The following SMARCE1 variants were observed in gnomAD, a reference collection of about 807,000 sequenced individuals.
SMARCE1 encodes the protein SWI/SNF-related matrix-associated actin-dependent regulator of chromatin subfamily E member 1.
Under a neutral mutation model 54.9 loss-of-function variants are expected in SMARCE1, and 13 were observed. The observed-to-expected ratio is 0.24, with a 90% CI of 0.15 to 0.38. SMARCE1 has a LOEUF of 0.38. Ranked by LOEUF, SMARCE1 falls within the 10% of genes least tolerant of loss-of-function variation. The probability of loss-of-function intolerance (pLI) is 1.00; values close to 1 mark genes in which losing one functional copy is unlikely to be tolerated. For missense variants in SMARCE1, 295 were observed against 523.8 expected, an observed-to-expected ratio of 0.56 and a Z score of 4.26; for synonymous variants, 151 against 175.3, an observed-to-expected ratio of 0.86 and a Z score of 1.10.
At chr17:40,641,389 C>G (rs2037198860) in intron 4 of SMARCE1, 1 of 152,120 alleles carries the variant, frequency 6.6e-6, no homozygotes, top group African/African-American at 2.4e-5. Flanking sequence ...TATGCAGAAA[C>G]AATGAAAAAT....
At chr17:40,640,761 G>A (rs1412435369) in intron 4 of SMARCE1, 1 of 152,068 alleles carries the variant, frequency 6.6e-6, no homozygotes, top group East Asian at 1.9e-4. Context: ...TGTCCACAAA[G>A]GACCAAAACA....
rs2143973779 is a variant in SMARCE1, at chr17:40,625,054, C to T, written c.*3731G>A. Reference sequence around the variant, plus strand: ...GGTCATTCTGGCAAATAGAAAGTTCCATCATTTCACACTTAGAAAGCTGCC... The same window carrying T: ...GGTCATTCTGGCAAATAGAAAGTTCTATCATTTCACACTTAGAAAGCTGCC... On this transcript the variant is annotated 3_prime_UTR_variant, in exon 11 of 11. Coordinates refer to ENST00000348513, the MANE Select transcript of SMARCE1 (RefSeq NM_003079.5). 1 of 152,196 alleles carries T rather than the reference C, an allele frequency of 6.6e-6. No homozygotes were observed. Among genetic ancestry groups the T allele is most frequent in the South Asian group, 2.1e-4 (1 of 4,812 alleles). The allele number at this position is 152,196 out of a possible 1,614,324, so 9.4% of individuals were successfully genotyped here.
chr17:40,647,559 G>A (rs189933027), intron 1 of SMARCE1: 29 of 152,822 alleles, frequency 1.9e-4, no homozygotes, highest in African/African-American at 6.5e-4. Context: ...ACCAATTTCG[G>A]GGGACTGGCC....
chr17:40,647,802 G>A lies in SMARCE1; in HGVS notation c.-75C>T, dbSNP rs964917323. On this transcript the variant is annotated 5_prime_UTR_variant, in exon 1 of 11. Transcript: ENST00000348513. Reference sequence around the variant, plus strand: ...GGGCAGAAAAAGCGCCCGCAGCTCCGGCTTCGCTTCCCTTTGTCCCGCGCT... The same window carrying A: ...GGGCAGAAAAAGCGCCCGCAGCTCCAGCTTCGCTTCCCTTTGTCCCGCGCT... 2.0e-4 allele frequency: 31 copies of A among 154,284 alleles called. No individual in the cohort carries two copies. Among genetic ancestry groups the A allele is most frequent in the African/African-American group, 4.8e-4 (20 of 41,396 alleles). The allele number at this position is 154,284 out of a possible 1,614,324, so 9.6% of individuals were successfully genotyped here. A position where few individuals can be genotyped will look rare whatever the true frequency, so the allele number is the denominator to read the frequency against.
chr17:40,636,239 A>G, intron 6 of SMARCE1, 137 bp from the exon 7 acceptor site: 2 of 1,167,442 alleles, frequency 1.7e-6, no homozygotes, highest in Non-Finnish European at 2.4e-6. Flanking sequence ...TACAGGCAAG[A>G]AATCTGAGGC....
intron 4 of SMARCE1, among the ~76,000 whole-genome samples, chr17:40,639,052 C>T (rs1166651976): frequency 6.6e-6 from 1 of 152,196 alleles, no homozygotes; most frequent in South Asian, 2.1e-4. Context: ...TTCCATTCCT[C>T]CCATGCATTC....
At chr17:40,637,438 C>T (rs1293054068) in intron 5 of SMARCE1, 54 bp downstream of exon 5, 10 of 1,359,908 alleles carry the variant, frequency 7.4e-6, no homozygotes, top group Non-Finnish European at 7.4e-6. Flanking sequence ...GGATGTTAAG[C>T]AAAGAAGCAG....
chr17:40,641,824 T>A (rs2144007882), intron 4 of SMARCE1: 1 of 152,520 alleles, frequency 6.6e-6, no homozygotes, highest in African/African-American at 2.4e-5. Context: ...CTATCTCTTA[T>A]ACTAAGGATT....
chr17:40,631,932 T>C (rs79980601), intron 8 of SMARCE1: 12 of 547,340 alleles, frequency 2.2e-5, no homozygotes, highest in Admixed American at 1.0e-4. Context: ...GCAGTAAAGA[T>C]TGATAGGATG....
rs1295234583 is a variant in SMARCE1, at chr17:40,631,660, C to G, written c.748G>C (p.Glu250Gln). Residue 250 changes from glutamate to glutamine, a missense_variant, in exon 9 of 11, where the codon GAA becomes CAA. Glu to Gln is a conservative substitution (Grantham distance 29). Transcript: ENST00000348513. ...TTCCTCTTCTTCTCCTGGTGTCGTT[C>G]CTCTATTTGAAGAAGTTCAGCTTCT... ...KLEAELLQIE[E>Q]RHQEKKRKFL... 1 of 1,611,036 alleles carries G rather than the reference C, an allele frequency of 6.2e-7. No individual in the cohort carries two copies. Among genetic ancestry groups the G allele is most frequent in the African/African-American group, 1.3e-5 (1 of 74,954 alleles).
At position 40,642,235 on chromosome 17, in the gene SMARCE1, C is replaced by T; in HGVS notation, c.156+220G>A. 1 of 617,168 alleles carries T rather than the reference C, an allele frequency of 1.6e-6. No homozygotes were observed. Among genetic ancestry groups the T allele is most frequent in the Non-Finnish European group, 2.9e-6 (1 of 350,112 alleles). 38.2% of individuals were successfully genotyped at this position (617,168 alleles called of 1,614,324 possible). A position where few individuals can be genotyped will look rare whatever the true frequency, so the allele number is the denominator to read the frequency against. On this transcript the variant is annotated intron_variant, in intron 4 of 10. Transcript: ENST00000348513. This position sits in a 1 kb window ranked among gnomAD's most constrained non-coding sequence, Gnocchi z 4.6. ...TCAAGGCTTTAACCCTACCAACCAC[C>T]AAACAGAATGGATTTTTCTTTTCTT... is the stretch of plus-strand genomic sequence containing the variant.
chr17:40,629,308 T>C, intron 10 of SMARCE1: 2 of 406,748 alleles, frequency 4.9e-6, no homozygotes, highest in Non-Finnish European at 8.6e-6. Context: ...TTAAAAATGT[T>C]CCTTCTGTGT....
At chr17:40,647,505 T>C (rs1156929859) in intron 1 of SMARCE1, 5 of 152,320 alleles carry the variant, frequency 3.3e-5, no homozygotes, top group African/African-American at 1.2e-4. Context: ...GAGAATGTAC[T>C]TTACTAGCAA....
chr17:40,630,116 G>C, intron 10 of SMARCE1: 1 of 705,468 alleles, frequency 1.4e-6, no homozygotes, highest in Non-Finnish European at 2.5e-6. Flanking sequence ...AGTGCCATGA[G>C]GTAAGGTGAT....
In SMARCE1 at chr17:40,642,787, G is replaced by C; in HGVS notation, c.52-228C>G. ...GTTGTTTTTCTCTTTCTTTTTTGCA[G>C]GGGCTGGGGGTGTTTGTGTGACTGT... On this transcript the variant is annotated intron_variant, in intron 3 of 10. Coordinates refer to ENST00000348513, the MANE Select transcript of SMARCE1 (RefSeq NM_003079.5). The surrounding 1 kb of genome is among the most constrained non-coding windows in gnomAD (Gnocchi z 4.6). 1 of 509,346 alleles carries C rather than the reference G, an allele frequency of 2.0e-6. No individual in the cohort carries two copies. The highest frequency in any genetic ancestry group is 3.4e-6 in the Non-Finnish European group (1 of 290,584). The allele number at this position is 509,346 out of a possible 1,614,324, so 31.6% of individuals were successfully genotyped here.
At chr17:40,629,056 G>A (rs2143981133) in intron 10 of SMARCE1, 63 bp from the exon 11 acceptor site, 2 of 1,363,192 alleles carry the variant, frequency 1.5e-6, no homozygotes, top group Admixed American at 1.7e-5. Flanking sequence ...TATGCTGACA[G>A]TATACAGCTG....
chr17:40,630,284 T>C, intron 10 of SMARCE1: 1 of 1,446,222 alleles, frequency 6.9e-7, no homozygotes. Flanking sequence ...TGGCAATTTT[T>C]TTCTGTAAAG....
At chr17:40,631,535 G>T in intron 9 of SMARCE1, 57 bp downstream of exon 9, 1 of 888,488 alleles carries the variant, frequency 1.1e-6, no homozygotes, top group Non-Finnish European at 1.8e-6. Flanking sequence ...AAAGAATGAG[G>T]AAAAATAAAG....
intron 5 of SMARCE1, 186 bp downstream of exon 5, chr17:40,637,306 C>A: frequency 1.6e-6 from 1 of 625,412 alleles, no homozygotes; most frequent in Non-Finnish European, 2.9e-6. Context: ...TTTAATCACG[C>A]TCCTCTTGTT....
Sources: gnomAD v4.1 joint callset for allele counts (sites outside exome capture counted in the v4.1 genomes callset) on GRCh38, gnomAD v4.1.1 for gene constraint, Gnocchi (gnomAD v3.1) non-coding constraint, MANE v1.5 for transcripts, NCBI Gene and HGNC (gene_info 2026-07-23, HGNC 2026-07-21) for gene names.